Variants in CFAP44 observed in about 807,000 individuals in gnomAD.
CFAP44 encodes the protein cilia and flagella associated protein 44, also known as cilia- and flagella-associated protein 44.
A neutral mutation model predicts 216.2 loss-of-function variants in CFAP44; 134 were observed. The ratio of observed to expected loss-of-function variants is 0.62; its 90% CI spans 0.54 to 0.72. The LOEUF is 0.72. CFAP44 is among the 30% of genes least tolerant of loss of function. CFAP44 has a pLI of 0.00. For synonymous variants in CFAP44, 700 were observed against 727.6 expected, an observed-to-expected ratio of 0.96 and a Z score of 0.61; for missense variants, 2,035 against 2,182.1, an observed-to-expected ratio of 0.93 and a Z score of 1.34.
At position 113,364,544 on chromosome 3, in the gene CFAP44, T is replaced by A. The variant is rs569356778; in HGVS notation, c.2716-1012A>T. Reference sequence around the variant, plus strand: ...AAAATTTACTGAATTTTATTTATTTTTTATTCTTTTATTGGCCAGAGCTAA... The same window carrying A: ...AAAATTTACTGAATTTTATTTATTTATTATTCTTTTATTGGCCAGAGCTAA... On this transcript the variant is annotated intron_variant, in intron 19 of 34. Coordinates refer to ENST00000393845, the MANE Select transcript of CFAP44 (RefSeq NM_001164496.2). 1.2e-4 allele frequency among the ~76,000 whole-genome samples: 18 copies of A among 152,268 alleles called. No individual in the cohort carries two copies. In the South Asian group the frequency reaches 3.5e-3, roughly 30 times the overall value.
At chr3:113,305,681 G>C (rs1949978773) in intron 30 of CFAP44, among the ~76,000 whole-genome samples, 1 of 152,168 alleles carries the variant, frequency 6.6e-6, no homozygotes, top group African/African-American at 2.4e-5. Flanking sequence ...GTTAAGTGAT[G>C]TTGCTCTAGA....
chr3:113,338,120 G>T (rs1185778201), intron 24 of CFAP44, among the ~76,000 whole-genome samples: 1 of 151,610 alleles, frequency 6.6e-6, no homozygotes, highest in Non-Finnish European at 1.5e-5. Context: ...ATGCAAAAGT[G>T]GTGGCACATG....
At chr3:113,394,339 C>A (rs1933929992) in intron 15 of CFAP44, among the ~76,000 whole-genome samples, 1 of 152,154 alleles carries the variant, frequency 6.6e-6, no homozygotes, top group African/African-American at 2.4e-5. Flanking sequence ...CCAACCCCTG[C>A]CAAATGTTGG....
intron 2 of CFAP44, among the ~76,000 whole-genome samples, chr3:113,433,103 C>T (rs573323117): frequency 1.3e-5 from 2 of 152,026 alleles, no homozygotes; most frequent in Non-Finnish European, 2.9e-5. Context: ...ATGGAGCCCA[C>T]CTTCCTACAG....
intron 22 of CFAP44, among the ~76,000 whole-genome samples, chr3:113,346,104 A>C (rs7642450): frequency 0.041 from 6,287 of 152,282 alleles, 425 homozygotes; most frequent in African/African-American, 0.14. Context: ...TAAACACACC[A>C]ATCAGTGCTC....
chr3:113,304,197 T>C (rs1432463716), intron 31 of CFAP44, 80 bp from the exon 32 acceptor site: 1 of 1,333,666 alleles, frequency 7.5e-7, no homozygotes, highest in Non-Finnish European at 1.0e-6. Flanking sequence ...AGAGGTGCAC[T>C]TCCTTCTTTG....
chr3:113,298,142 G>A (rs539907982), intron 32 of CFAP44, among the ~76,000 whole-genome samples: 2 of 152,320 alleles, frequency 1.3e-5, no homozygotes, highest in South Asian at 2.1e-4. Context: ...CCATACAAGG[G>A]GTTGCCCTCT....
chr3:113,315,101 G>A (rs374432176), intron 28 of CFAP44, among the ~76,000 whole-genome samples: 13 of 152,142 alleles, frequency 8.5e-5, no homozygotes, highest in African/African-American at 3.1e-4. Context: ...TGTATTAAAT[G>A]TAAATGGTTT....
intron 6 of CFAP44, among the ~76,000 whole-genome samples, chr3:113,412,440 G>A (rs1218475507): frequency 2.0e-5 from 3 of 151,304 alleles, no homozygotes; most frequent in Non-Finnish European, 4.4e-5. Context: ...TACATGTGCA[G>A]AACGTGCAAG....
At chr3:113,390,718 GAAATC>G (rs1294453136) in intron 15 of CFAP44, among the ~76,000 whole-genome samples, 1 of 151,490 alleles carries the variant, frequency 6.6e-6, no homozygotes, top group Non-Finnish European at 1.5e-5. Flanking sequence ...ATCTGAAAAA[GAAATC>G]AAAAAAGTAA....
intron 15 of CFAP44, among the ~76,000 whole-genome samples, chr3:113,390,360 C>T (rs1933763002): frequency 2.6e-5 from 4 of 152,022 alleles, no homozygotes; most frequent in Admixed American, 6.5e-5. Flanking sequence ...CACAATAAAA[C>T]CCATATATGA....
chr3:113,358,304 T>C (rs560578599), intron 22 of CFAP44, among the ~76,000 whole-genome samples: 173 of 152,152 alleles, frequency 1.1e-3, no homozygotes, highest in African/African-American at 3.8e-3. Context: ...GTATTTTATG[T>C]AAATTATATC....
Position 113,333,602 on chromosome 3 carries a change from A to ACC in CFAP44, c.3438-21_3438-20dup, listed in dbSNP as rs148985133. On this transcript the variant is annotated intron_variant, in intron 24 of 34. Transcript: ENST00000393845. The stretch of plus-strand genomic sequence containing the variant: ...CTTGTATCTATTAGAAAAACAGACA[A>ACC]CCCCCCCACACACAAATATGACAAT... The ACC allele has an allele frequency of 3.4e-6, 5 of 1,484,094 alleles. No individual in the cohort carries two copies. The highest frequency in any genetic ancestry group is 1.4e-5 in the South Asian group (1 of 74,048). 91.9% of individuals were successfully genotyped at this position (1,484,094 alleles called of 1,614,324 possible).
chr3:113,427,284 G>A lies in CFAP44; in HGVS notation c.156C>T (p.Thr52=), dbSNP rs58474121. The A allele has an allele frequency of 0.036, 58,475 of 1,611,706 alleles. 1,374 individuals carry two copies. Among genetic ancestry groups the A allele is most frequent in the East Asian group, 0.11 (4,759 of 44,688 alleles). The part of the protein sequence containing the change: ...FLEDDTDETF[T]KGEGSYLEED... The stretch of plus-strand genomic sequence containing the variant: ...CTTCTAAATATGATCCTTCCCCTTT[G>A]GTAAATGTTTCATCTGTGTCATCTT... The change falls in exon 3 of 35, where the codon ACC becomes ACT. Residue 52 remains threonine (T), a synonymous_variant. Coordinates refer to ENST00000393845, the MANE Select transcript of CFAP44 (RefSeq NM_001164496.2).
intron 17 of CFAP44, among the ~76,000 whole-genome samples, chr3:113,377,547 G>T (rs1175870477): frequency 6.6e-6 from 1 of 152,058 alleles, no homozygotes; most frequent in Admixed American, 6.5e-5. Context: ...TTTATAGTTG[G>T]TTAAGTAAAT....
rs920434250 is a variant in CFAP44 at position 113,300,388 on chromosome 3, T to C, written c.5078-3503A>G. On this transcript the variant is annotated intron_variant, in intron 32 of 34. Transcript: ENST00000393845. ...ATCGGATTGTTTGTAACATAAAAGA[T>C]AAATGCTTGAGGTGAGGATATCCCA... Among the ~76,000 whole-genome samples the C allele has an allele frequency of 2.6e-5, 4 of 151,970 alleles. No individual in the cohort carries two copies. The South Asian group carries it at 6.2e-4, about 24-fold the overall frequency.
chr3:113,330,463 T>G lies in CFAP44; in HGVS notation c.3821A>C (p.Glu1274Ala). ...VPEKRFQYDE[E>A]TLLNFKQQQM... ...CTGTTGCTTAAAATTTAGGAGAGTT[T>G]CTTCATCATACTGAAATCTCTTTTC... is the stretch of plus-strand genomic sequence containing the variant. Residue 1274 changes from glutamate to alanine, a missense_variant, in exon 26 of 35, where the codon GAA (glutamate) becomes GCA (alanine). By Grantham distance (107) the Glu-to-Ala change is moderately radical. Around this residue, in one of 3 missense-constraint regions of CFAP44, gnomAD observed 1,883 missense variants for 2,023.7 expected, o/e 0.93. Coordinates refer to ENST00000393845, the MANE Select transcript of CFAP44 (RefSeq NM_001164496.2). 5 of 1,537,308 alleles carry G rather than the reference T, an allele frequency of 3.3e-6. No individual in the cohort carries two copies. The highest frequency in any genetic ancestry group is 4.4e-6 in the Non-Finnish European group (5 of 1,146,918).
chr3:113,335,240 TAATTCTTGA>T (rs1408829268), intron 24 of CFAP44, among the ~76,000 whole-genome samples: 1 of 152,160 alleles, frequency 6.6e-6, no homozygotes, highest in Non-Finnish European at 1.5e-5. Context: ...CATAAAACTG[TAATTCTTGA>T]GAAAAGTAAA....
At chr3:113,318,245 G>C (rs1233037861) in intron 28 of CFAP44, among the ~76,000 whole-genome samples, 4 of 151,988 alleles carry the variant, frequency 2.6e-5, no homozygotes, top group Non-Finnish European at 4.4e-5. Flanking sequence ...TCAGAAAAAA[G>C]AAAACCGAAC....
Sources: allele counts gnomAD v4.1 joint callset (sites outside exome capture counted in the v4.1 genomes callset), GRCh38; gene constraint gnomAD v4.1.1; regional missense constraint gnomAD v4.1.1; transcripts MANE v1.5; gene names NCBI Gene and HGNC (gene_info 2026-07-23, HGNC 2026-07-21).